Variants in HMGB1 observed in about 807,000 individuals in gnomAD.
The protein encoded by HMGB1 is high mobility group box 1, also known as high mobility group protein B1.
For missense variants in HMGB1, 79 were observed against 253.5 expected, an observed-to-expected ratio of 0.31 and a Z score of 4.67; for synonymous variants, 81 against 84.0, an observed-to-expected ratio of 0.96 and a Z score of 0.19.
At position 30,465,899 on chromosome 13, in the gene HMGB1, C is replaced by CT; in HGVS notation, c.-119_-118insA. The CT allele has an allele frequency of 2.0e-6, 2 of 985,934 alleles. No homozygotes were observed. The highest frequency in any genetic ancestry group is 1.2e-6 in the Non-Finnish European group (1 of 829,976). 61.1% of individuals were successfully genotyped at this position (985,934 alleles called of 1,614,324 possible). ...CTGCAATGGCTGTGAGAGCGGGAGC[C>CT]AGACGCAGCCTCCTCACTCTCTCCG... is the stretch of plus-strand genomic sequence containing the variant. On this transcript the variant is annotated 5_prime_UTR_variant, in exon 1 of 5. The change abolishes the stop of an existing upstream ORF in the 5' untranslated region. Transcript: ENST00000341423.
chr13:30,466,296 T>TCC (rs59963662), upstream of HMGB1, among the ~76,000 whole-genome samples: 502 of 145,588 alleles, frequency 3.4e-3, no homozygotes, highest in South Asian at 0.015. Context: ...CCCACAGGTC[T>TCC]CCCCCCCCCT....
At chr13:30,569,320 A>G (rs767305605) in intron 1 of HMGB1, among the ~76,000 whole-genome samples, 3 of 152,206 alleles carry the variant, frequency 2.0e-5, no homozygotes, top group Non-Finnish European at 4.4e-5. Context: ...CCAACTGTGT[A>G]CTGTTTCTCA....
At chr13:30,611,619 T>C (rs1950513737) in intron 1 of HMGB1, among the ~76,000 whole-genome samples, 1 of 152,216 alleles carries the variant, frequency 6.6e-6, no homozygotes. Context: ...ACATTGCCTG[T>C]ACAACTCTAT....
upstream of HMGB1, among the ~76,000 whole-genome samples, chr13:30,466,975 T>A (rs1299217026): frequency 6.6e-6 from 1 of 152,178 alleles, no homozygotes; most frequent in Non-Finnish European, 1.5e-5. Flanking sequence ...GAGTTGTAGG[T>A]ATATGGTTAC....
At chr13:30,548,598 T>G (rs973691802) in intron 1 of HMGB1, among the ~76,000 whole-genome samples, 4 of 152,190 alleles carry the variant, frequency 2.6e-5, no homozygotes, top group African/African-American at 9.6e-5. Context: ...TGTTACAAAA[T>G]AAAAGAGTAT....
chr13:30,604,861 T>C (rs916402267), intron 1 of HMGB1, among the ~76,000 whole-genome samples: 3 of 152,164 alleles, frequency 2.0e-5, no homozygotes, highest in African/African-American at 7.2e-5. Context: ...GGTTTCACCA[T>C]GTTAGCCAGG....
At chr13:30,603,257 A>T (rs888951630) in intron 1 of HMGB1, among the ~76,000 whole-genome samples, 1 of 152,076 alleles carries the variant, frequency 6.6e-6, no homozygotes, top group Non-Finnish European at 1.5e-5. Flanking sequence ...ATTATTCCCA[A>T]ATCTGTGTTT....
At chr13:30,519,966 C>T (rs1888200483) in intron 1 of HMGB1, among the ~76,000 whole-genome samples, 1 of 152,158 alleles carries the variant, frequency 6.6e-6, no homozygotes, top group African/African-American at 2.4e-5. Context: ...AAATATTTAA[C>T]ACTCTTTTGC....
intron 1 of HMGB1, among the ~76,000 whole-genome samples, chr13:30,616,477 T>G (rs1950563994): frequency 6.6e-6 from 1 of 152,140 alleles, no homozygotes; most frequent in African/African-American, 2.4e-5. Context: ...AATAGTGTAT[T>G]CCATTCTAAA....
At chr13:30,494,845 G>C (rs955929298) in intron 1 of HMGB1, among the ~76,000 whole-genome samples, 1 of 151,570 alleles carries the variant, frequency 6.6e-6, no homozygotes, top group Non-Finnish European at 1.5e-5. Flanking sequence ...TCTACTTTCT[G>C]TCTCTATGAA....
intron 1 of HMGB1, among the ~76,000 whole-genome samples, chr13:30,546,929 G>A (rs1002139277): frequency 2.0e-5 from 3 of 152,202 alleles, no homozygotes; most frequent in Non-Finnish European, 4.4e-5. Context: ...ATTTGTAGGT[G>A]TAGGTTTCAT....
rs377149884 is a variant in HMGB1 at position 30,462,727 on chromosome 13, A to G, written c.297-15T>C. On this transcript the variant is annotated splice_polypyrimidine_tract_variant and intron_variant, in intron 3 of 4. Transcript: ENST00000341423. ...AGAAGGCCGAACTAAAAAAAAAATT[A>G]ATTTTAGGATTTTAAGTTAACAGAT... 1.5e-5 allele frequency: 24 copies of G among 1,605,816 alleles called. No individual in the cohort carries two copies. In the Middle Eastern group the frequency reaches 5.0e-4, roughly 33 times the overall value.
At chr13:30,467,671 C>G (rs1460539298), upstream of HMGB1, among the ~76,000 whole-genome samples, 1 of 152,132 alleles carries the variant, frequency 6.6e-6, no homozygotes, top group African/African-American at 2.4e-5. Flanking sequence ...TTTTTTAAAT[C>G]TAGATATTTA....
In HMGB1 at chr13:30,458,212, C is replaced by T. The variant is rs1356363029; in HGVS notation, c.*3145G>A. On this transcript the variant is annotated 3_prime_UTR_variant, in exon 5 of 5. Coordinates refer to ENST00000341423, the MANE Select transcript of HMGB1 (RefSeq NM_002128.7). ...CCTAAATGTGAACTTTCATCAAGGACCTTTTTAGGAGGCGTATTGTACCAA... is the reference window on the plus strand; with the variant it reads ...CCTAAATGTGAACTTTCATCAAGGATCTTTTTAGGAGGCGTATTGTACCAA... 1 of 151,168 alleles carries T rather than the reference C, an allele frequency of 6.6e-6. No homozygotes were observed. The highest frequency in any genetic ancestry group is 1.5e-5 in the Non-Finnish European group (1 of 68,034). 9.4% of individuals were successfully genotyped at this position (151,168 alleles called of 1,614,324 possible). A position where few individuals can be genotyped will look rare whatever the true frequency, so the allele number is the denominator to read the frequency against.
At chr13:30,487,926 A>G (rs979303770) in intron 1 of HMGB1, among the ~76,000 whole-genome samples, 2 of 152,226 alleles carry the variant, frequency 1.3e-5, no homozygotes, top group Non-Finnish European at 2.9e-5. Context: ...ATTGGTTTAA[A>G]AAAAATTCTA....
rs58604214 is a variant in HMGB1 at position 30,488,645 on chromosome 13, T to TTTATTA, written c.-14-24957_-14-24952dup. 1.8e-3 allele frequency among the ~76,000 whole-genome samples: 245 copies of TTTATTA among 137,848 alleles called. 1 individual carries two copies. The highest frequency in any genetic ancestry group is 3.6e-3 in the Middle Eastern group (1 of 276). 90.4% of individuals were successfully genotyped at this position (137,848 alleles called of 152,430 possible). ...GCTACAAGCCTGGCTAATTTTTAAT[T>TTTATTA]TTATTATTATTATTATTATTATTAT... is the stretch of plus-strand genomic sequence containing the variant. On this transcript the variant is annotated intron_variant, in intron 1 of 4. Transcript: ENST00000405805.
chr13:30,535,375 G>GA (rs1321297694), intron 1 of HMGB1, among the ~76,000 whole-genome samples: 1 of 152,154 alleles, frequency 6.6e-6, no homozygotes, highest in Non-Finnish European at 1.5e-5. Context: ...ATATTTTGGG[G>GA]AAAAAACTGT....
intron 1 of HMGB1, among the ~76,000 whole-genome samples, chr13:30,551,820 G>A (rs1044318469): frequency 1.3e-5 from 2 of 151,854 alleles, no homozygotes; most frequent in Non-Finnish European, 2.9e-5. Flanking sequence ...ATCCTCCCAC[G>A]TCAGCCTCCT....
At chr13:30,590,227 T>C (rs1871312520) in intron 1 of HMGB1, among the ~76,000 whole-genome samples, 1 of 152,148 alleles carries the variant, frequency 6.6e-6, no homozygotes, top group African/African-American at 2.4e-5. Context: ...ACTTAGAATA[T>C]AGCTACGACA....
Sources: gnomAD v4.1 joint callset for allele counts (sites outside exome capture counted in the v4.1 genomes callset) on GRCh38, gnomAD v4.1.1 for gene constraint, MANE v1.5 for transcripts, NCBI Gene and HGNC (gene_info 2026-07-23, HGNC 2026-07-21) for gene names.